The following TMIGD3 variants were observed in gnomAD, a reference collection of about 807,000 sequenced individuals.
TMIGD3 encodes the protein AD026 protein (AD026).
TMIGD3 carries 21 observed loss-of-function variants against 28.1 expected under a neutral mutation model. That is an observed-to-expected ratio of 0.75 (90% confidence interval 0.53 to 1.08). The LOEUF is 1.08. Among genes scored for constraint, TMIGD3 ranks in the 50% least tolerant of loss-of-function variants. The pLI is 0.00. For synonymous variants in TMIGD3, 151 were observed against 162.1 expected (o/e 0.93, Z 0.52); for missense variants, 416 against 435.6 (o/e 0.96, Z 0.40).
Position 111,485,726 on chromosome 1 carries a change from C to CAAAAAAAA in TMIGD3, c.973+13_973+14insTTTTTTTT. On this transcript the variant is annotated intron_variant, in intron 5 of 5. Transcript: ENST00000369716. ...AATTCTTGCCCACCCCCTCCCTCAA[C>CAAAAAAAA]AATAGCTACTTACCCCTTCTATTCC... 8.2e-6 allele frequency: 7 copies of CAAAAAAAA among 850,650 alleles called. No individual in the cohort carries two copies. Among genetic ancestry groups the CAAAAAAAA allele is most frequent in the Non-Finnish European group, 1.3e-5 (7 of 522,902 alleles). 52.7% of individuals were successfully genotyped at this position (850,650 alleles called of 1,614,324 possible).
chr1:111,494,699 G>A (rs1654813775), intron 1 of TMIGD3, among the ~76,000 whole-genome samples: 1 of 152,156 alleles, frequency 6.6e-6, no homozygotes, highest in Non-Finnish European at 1.5e-5. Context: ...GCAATCCTAA[G>A]CAAAAAGAAC....
chr1:111,491,273 C>T (rs571547925), intron 1 of TMIGD3, among the ~76,000 whole-genome samples: 5 of 152,366 alleles, frequency 3.3e-5, no homozygotes, highest in African/African-American at 1.2e-4. Context: ...ACCTGGAACA[C>T]GTGAGCAGGT....
intron 1 of TMIGD3, among the ~76,000 whole-genome samples, chr1:111,524,029 T>C (rs1164337430): frequency 3.6e-5 from 1 of 28,002 alleles, no homozygotes; most frequent in East Asian, 4.4e-4. Flanking sequence ...CTTTCTTTTC[T>C]TTTTTTTTTT....
intron 1 of TMIGD3, among the ~76,000 whole-genome samples, chr1:111,528,324 T>C (rs1656338932): frequency 6.6e-6 from 1 of 152,216 alleles, no homozygotes. Flanking sequence ...CAATTGACCA[T>C]ATTTATATGT....
intron 1 of TMIGD3, among the ~76,000 whole-genome samples, chr1:111,529,279 C>A (rs1417675120): frequency 2.0e-5 from 3 of 152,108 alleles, no homozygotes; most frequent in Non-Finnish European, 4.4e-5. Context: ...GCCCAAGCAA[C>A]CCCTACACTC....
At chr1:111,526,666 G>GC (rs565735380) in intron 1 of TMIGD3, among the ~76,000 whole-genome samples, 83 of 152,286 alleles carry the variant, frequency 5.5e-4, no homozygotes, top group Admixed American at 1.0e-3. Flanking sequence ...GAAAGAACCT[G>GC]CATTAACACA....
rs745783278 is a variant in TMIGD3 at position 111,500,042 on chromosome 1, A to G, written c.350+2963T>C. The G allele has an allele frequency of 5.4e-5, 87 of 1,614,098 alleles. 1 individual carries two copies. Among genetic ancestry groups the G allele is most frequent in the Non-Finnish European group, 7.3e-5 (86 of 1,180,038 alleles). On this transcript the variant is annotated intron_variant, in intron 1 of 5. Transcript: ENST00000369716. ...AGGATCAAAAGGTAGGTTTCCTTGA[A>G]CTTCTTTATTTTATAGGCATAGACG...
intron 1 of TMIGD3, among the ~76,000 whole-genome samples, chr1:111,534,156 C>T (rs181906032): frequency 2.0e-5 from 3 of 152,184 alleles, no homozygotes; most frequent in Admixed American, 6.5e-5. Flanking sequence ...CAAATGGAAT[C>T]GTGCCATGCA....
intron 1 of TMIGD3, among the ~76,000 whole-genome samples, chr1:111,541,276 A>G (rs907327038): frequency 1.3e-5 from 2 of 152,250 alleles, no homozygotes; most frequent in African/African-American, 4.8e-5. Context: ...AATACAAACC[A>G]TAATGGGATT....
rs114787626 is a variant in TMIGD3, at chr1:111,531,782, G to A, written c.107+32064C>T. 6.3e-3 allele frequency among the ~76,000 whole-genome samples: 964 copies of A among 152,172 alleles called. 12 individuals are homozygous for A. The highest frequency in any genetic ancestry group is 0.022 in the African/African-American group (928 of 41,510). ...GCCCAGGCTGTACTCAAACTCCTGA[G>A]CTTAAGCGATCCTACTGCTTCTGCC... On this transcript the variant is annotated intron_variant, in intron 1 of 5. Transcript: ENST00000369717.
chr1:111,540,534 A>G (rs1034189830), intron 1 of TMIGD3, among the ~76,000 whole-genome samples: 2 of 152,192 alleles, frequency 1.3e-5, no homozygotes, highest in African/African-American at 4.8e-5. Context: ...GGATCCATCC[A>G]TCTTTCTGGG....
At chr1:111,514,666 AC>A (rs1655801895) in intron 1 of TMIGD3, among the ~76,000 whole-genome samples, 1 of 151,650 alleles carries the variant, frequency 6.6e-6, no homozygotes, top group Admixed American at 6.6e-5. Flanking sequence ...ACACACACAC[AC>A]ATCATACCAT....
chr1:111,522,338 A>G (rs1173558911), intron 1 of TMIGD3, among the ~76,000 whole-genome samples: 4 of 152,206 alleles, frequency 2.6e-5, no homozygotes, highest in Non-Finnish European at 4.4e-5. Context: ...TAAATTGACA[A>G]ATCAGTTTAG....
intron 5 of TMIGD3, among the ~76,000 whole-genome samples, chr1:111,485,042 C>G (rs960907477): frequency 6.6e-6 from 1 of 152,178 alleles, no homozygotes; most frequent in African/African-American, 2.4e-5. Flanking sequence ...GAAAGGTGGG[C>G]ACACAGTCCC....
intron 1 of TMIGD3, among the ~76,000 whole-genome samples, chr1:111,513,635 C>G (rs1655764600): frequency 6.6e-6 from 1 of 152,138 alleles, no homozygotes; most frequent in East Asian, 1.9e-4. Context: ...CTGCTCAGTC[C>G]CAGAGGAAAG....
At chr1:111,490,478 G>C (rs913998035) in intron 2 of TMIGD3, 178 bp downstream of exon 2, 12 of 587,446 alleles carry the variant, frequency 2.0e-5, no homozygotes, top group Non-Finnish European at 3.3e-5. Flanking sequence ...TCTTATCTGA[G>C]CTAAGAACAA....
chr1:111,550,993 C>T (rs987289021), intron 1 of TMIGD3, among the ~76,000 whole-genome samples: 5 of 152,146 alleles, frequency 3.3e-5, no homozygotes, highest in African/African-American at 7.2e-5. Context: ...TTCTTTGTCT[C>T]TCATGACAAT....
intron 1 of TMIGD3, among the ~76,000 whole-genome samples, chr1:111,498,111 GC>G (rs1654977376): frequency 6.6e-6 from 1 of 152,192 alleles, no homozygotes; most frequent in African/African-American, 2.4e-5. Flanking sequence ...AGGAGGAGAA[GC>G]AAAGCTCCTT....
intron 1 of TMIGD3, among the ~76,000 whole-genome samples, chr1:111,515,651 C>T (rs1241836849): frequency 6.6e-6 from 1 of 152,232 alleles, no homozygotes; most frequent in African/African-American, 2.4e-5. Context: ...ACAGAGACTG[C>T]CCAGGAGCAG....
Sources: allele counts gnomAD v4.1 joint callset (sites outside exome capture counted in the v4.1 genomes callset), GRCh38; gene constraint gnomAD v4.1.1; transcripts MANE v1.5; gene names NCBI Gene and HGNC (gene_info 2026-07-23, HGNC 2026-07-21).